Variants in WBP1L observed in about 807,000 individuals in gnomAD.
The protein encoded by WBP1L is WW domain binding protein 1 like.
In WBP1L, 17 loss-of-function variants were observed where a neutral mutation model predicts 33.7. The observed-to-expected ratio is 0.50, with a 90% CI of 0.34 to 0.76. The LOEUF (loss-of-function observed/expected upper bound fraction) is 0.76, where lower values mean the gene tolerates loss of function less well. WBP1L is among the 30% of genes least tolerant of loss of function. The probability of loss-of-function intolerance (pLI) is 0.01; values close to 1 mark genes in which losing one functional copy is unlikely to be tolerated. For synonymous variants in WBP1L, 173 were observed against 190.8 expected, an observed-to-expected ratio of 0.91 and a Z score of 0.77; for missense variants, 389 against 469.4, an observed-to-expected ratio of 0.83 and a Z score of 1.58.
intron 2 of WBP1L, among the ~76,000 whole-genome samples, chr10:102,803,564 A>G (rs564628144): frequency 1.3e-5 from 2 of 150,904 alleles, no homozygotes; most frequent in African/African-American, 4.9e-5. Flanking sequence ...TGGGGAAAGG[A>G]GGGTCATATT....
At position 102,769,843 on chromosome 10, in the gene WBP1L, CCTAA is replaced by C. The variant is rs141673212; in HGVS notation, c.90+25703_90+25706del. 4.4e-3 allele frequency among the ~76,000 whole-genome samples: 668 copies of C among 152,336 alleles called. 4 individuals are homozygous for C. Among genetic ancestry groups the C allele is most frequent in the African/African-American group, 0.015 (629 of 41,564 alleles). ...ACATACTGCAGTTAAGAACCGTTTACCTAACTCTCTTTCCTGAAAGACTCAGTAG... is the reference window on the plus strand; with the variant it reads ...ACATACTGCAGTTAAGAACCGTTTACCTCTCTTTCCTGAAAGACTCAGTAG... On this transcript the variant is annotated intron_variant, in intron 1 of 3. Transcript: ENST00000448841.
At chr10:102,760,724 G>T (rs984115365) in intron 1 of WBP1L, among the ~76,000 whole-genome samples, 2 of 152,094 alleles carry the variant, frequency 1.3e-5, no homozygotes, top group Non-Finnish European at 2.9e-5. Flanking sequence ...TCTGAGGCCA[G>T]CCATTCTGTG....
intron 2 of WBP1L, among the ~76,000 whole-genome samples, chr10:102,801,349 C>T (rs1843655272): frequency 6.6e-6 from 1 of 152,168 alleles, no homozygotes; most frequent in Middle Eastern, 3.2e-3. Context: ...CTTTAGCAGG[C>T]ATCAGAATTT....
At chr10:102,786,471 C>T (rs1028783695) in intron 1 of WBP1L, among the ~76,000 whole-genome samples, 2 of 152,186 alleles carry the variant, frequency 1.3e-5, no homozygotes, top group Admixed American at 1.3e-4. Context: ...GATTTTCAGT[C>T]CCTGCCCCTA....
chr10:102,806,803 A>G (rs1184093488), intron 2 of WBP1L, among the ~76,000 whole-genome samples: 1 of 152,162 alleles, frequency 6.6e-6, no homozygotes, highest in Non-Finnish European at 1.5e-5. Context: ...GTCCTGCCCC[A>G]CTTGGTGGAG....
rs550480983 is a variant in WBP1L at position 102,788,365 on chromosome 10, C to T, written c.91-9628C>T. 2.0e-5 allele frequency among the ~76,000 whole-genome samples: 3 copies of T among 152,054 alleles called. No individual in the cohort carries two copies. In the South Asian group the frequency reaches 6.2e-4, roughly 32 times the overall value. On this transcript the variant is annotated intron_variant, in intron 1 of 3. Transcript: ENST00000448841. ...GATCTCATGATCCGCCTGTTTCGGC[C>T]TCCCAAAGTGCTGGGATTACAGGCA...
chr10:102,772,257 CTT>C (rs34766191), intron 1 of WBP1L, among the ~76,000 whole-genome samples: 6 of 61,022 alleles, frequency 9.8e-5, no homozygotes, highest in African/African-American at 3.5e-4. Context: ...TGCGCCCGGC[CTT>C]TTTTTTTTTT....
intron 1 of WBP1L, among the ~76,000 whole-genome samples, chr10:102,775,004 C>G (rs1296632748): frequency 6.6e-6 from 1 of 150,918 alleles, no homozygotes; most frequent in African/African-American, 2.4e-5. Context: ...GGTACCAGCT[C>G]CTTGGGAGGC....
At chr10:102,775,421 T>G (rs1835889054) in intron 1 of WBP1L, among the ~76,000 whole-genome samples, 1 of 152,164 alleles carries the variant, frequency 6.6e-6, no homozygotes. Context: ...GAGCTGAACT[T>G]AGTGAAGAAA....
At chr10:102,762,794 G>C (rs1320587875) in intron 1 of WBP1L, among the ~76,000 whole-genome samples, 1 of 152,162 alleles carries the variant, frequency 6.6e-6, no homozygotes, top group Non-Finnish European at 1.5e-5. Context: ...GCTCTTCGGG[G>C]ATGCAAGCTG....
intron 1 of WBP1L, among the ~76,000 whole-genome samples, chr10:102,779,110 G>T (rs993138643): frequency 6.6e-6 from 1 of 151,756 alleles, no homozygotes; most frequent in Non-Finnish European, 1.5e-5. Flanking sequence ...TTAATGCATT[G>T]TTCTCCTTGG....
chr10:102,775,363 A>G (rs908420499), intron 1 of WBP1L, among the ~76,000 whole-genome samples: 4 of 152,128 alleles, frequency 2.6e-5, no homozygotes, highest in African/African-American at 7.2e-5. Context: ...CACCATCCCC[A>G]GGGCCCTTGC....
intron 1 of WBP1L, among the ~76,000 whole-genome samples, chr10:102,769,022 A>T (rs1226142619): frequency 6.6e-6 from 1 of 151,768 alleles, no homozygotes; most frequent in African/African-American, 2.4e-5. Context: ...TCTCACTCTG[A>T]TACCCAGGCT....
chr10:102,797,619 C>T (rs974116482), intron 1 of WBP1L, among the ~76,000 whole-genome samples: 2 of 152,062 alleles, frequency 1.3e-5, no homozygotes, highest in African/African-American at 4.8e-5. Context: ...GTGGCGTGAT[C>T]TTGGCTCACT....
intron 1 of WBP1L, among the ~76,000 whole-genome samples, chr10:102,779,920 T>C (rs1028674527): frequency 6.6e-6 from 1 of 152,238 alleles, no homozygotes; most frequent in African/African-American, 2.4e-5. Flanking sequence ...GGAAAGAGCA[T>C]TCCGGACAGA....
At position 102,784,480 on chromosome 10, in the gene WBP1L, C is replaced by T. The variant is rs571351831; in HGVS notation, c.91-13513C>T. ...TTGCTCTGTCGCCCAGGCTGGAGTG[C>T]AGTGGCACAATCTTGGCTCACTGCA... On this transcript the variant is annotated intron_variant, in intron 1 of 3. Coordinates refer to ENST00000448841, the MANE Select transcript of WBP1L (RefSeq NM_001083913.2). 5.8e-5 allele frequency among the ~76,000 whole-genome samples: 8 copies of T among 138,642 alleles called. No individual in the cohort carries two copies. In the South Asian group the frequency reaches 1.6e-3, roughly 28 times the overall value. 91.0% of individuals were successfully genotyped at this position (138,642 alleles called of 152,430 possible). A position where few individuals can be genotyped will look rare whatever the true frequency, so the allele number is the denominator to read the frequency against.
chr10:102,795,430 C>T (rs1000343254), intron 1 of WBP1L, among the ~76,000 whole-genome samples: 1 of 152,214 alleles, frequency 6.6e-6, no homozygotes, highest in Admixed American at 6.5e-5. Flanking sequence ...CTGTTCTGCT[C>T]TCCCTGGGAA....
At chr10:102,745,452 A>G (rs988268984) in intron 1 of WBP1L, among the ~76,000 whole-genome samples, 4 of 151,986 alleles carry the variant, frequency 2.6e-5, no homozygotes, top group Admixed American at 2.6e-4. Context: ...CTAAGCAGTT[A>G]CTCTCTGTCT....
chr10:102,758,034 G>A (rs1287960273), intron 1 of WBP1L, among the ~76,000 whole-genome samples: 4 of 150,898 alleles, frequency 2.7e-5, no homozygotes, highest in East Asian at 2.0e-4. Context: ...ACAGGCGCCC[G>A]CTACCACGCC....
Sources: gnomAD v4.1 joint callset for allele counts (sites outside exome capture counted in the v4.1 genomes callset) on GRCh38, gnomAD v4.1.1 for gene constraint, MANE v1.5 for transcripts, NCBI Gene and HGNC (gene_info 2026-07-23, HGNC 2026-07-21) for gene names.